MED27: variants seen among roughly 807,000 people sequenced by gnomAD.
MED27 encodes the protein mediator of RNA polymerase II transcription subunit 27.
In MED27, 30 loss-of-function variants were observed where a neutral mutation model predicts 38.2. That is an observed-to-expected ratio of 0.79 (90% CI 0.59 to 1.07). MED27 has a LOEUF of 1.07. MED27 is among the 50% of genes least tolerant of loss of function. MED27 has a pLI of 0.00. For missense variants in MED27, 289 were observed against 397.5 expected, an observed-to-expected ratio of 0.73 and a Z score of 2.32; for synonymous variants, 122 against 153.5, an observed-to-expected ratio of 0.79 and a Z score of 1.52.
intron 6 of MED27, among the ~76,000 whole-genome samples, chr9:131,880,616 A>AT (rs1839019764): frequency 1.3e-5 from 2 of 152,350 alleles, no homozygotes; most frequent in South Asian, 4.1e-4. Context: ...GAATTCATCA[A>AT]TTTTTACTAC....
intron 2 of MED27, among the ~76,000 whole-genome samples, chr9:132,074,321 A>C (rs1004963627): frequency 6.6e-6 from 1 of 152,218 alleles, no homozygotes. Flanking sequence ...GACTTTACAA[A>C]AATTACAAAA....
rs1340380103 is a variant in MED27 at position 131,997,518 on chromosome 9, A to G, written c.479+16819T>C. On this transcript the variant is annotated intron_variant, in intron 3 of 7. Transcript: ENST00000292035. The surrounding 1 kb of genome is among the most constrained non-coding windows in gnomAD (Gnocchi z 4.0). ...CTGCAGAGATCCCCTGGGTTGACCGAGGCGTTGCCAGCCCTGCACTGTAGG... is the reference window on the plus strand; with the variant it reads ...CTGCAGAGATCCCCTGGGTTGACCGGGGCGTTGCCAGCCCTGCACTGTAGG... 6.6e-6 allele frequency among the ~76,000 whole-genome samples: 1 copy of G among 152,214 alleles called. No homozygotes were observed. Among genetic ancestry groups the G allele is most frequent in the African/African-American group, 2.4e-5 (1 of 41,454 alleles).
At position 131,861,793 on chromosome 9, in the gene MED27, G is replaced by A. The variant is rs931644914; in HGVS notation, c.802-1121C>T. Among the ~76,000 whole-genome samples, 2 of 144,178 alleles carry A rather than the reference G, an allele frequency of 1.4e-5. No individual in the cohort carries two copies. Among genetic ancestry groups the A allele is most frequent in the Non-Finnish European group, 3.0e-5 (2 of 67,030 alleles). 94.6% of individuals were successfully genotyped at this position (144,178 alleles called of 152,430 possible). ...TTTTTTTTTTTTTTTTTTTTTATGA[G>A]ACCACATCTCGCTCTGACACCCAGG... On this transcript the variant is annotated intron_variant, in intron 7 of 7. Transcript: ENST00000292035. The surrounding 1 kb of genome is among the most constrained non-coding windows in gnomAD (Gnocchi z 4.4).
intron 4 of MED27, among the ~76,000 whole-genome samples, chr9:131,922,619 T>G (rs571523907): frequency 6.0e-4 from 85 of 142,544 alleles, no homozygotes; most frequent in African/African-American, 2.2e-3. Flanking sequence ...TTTTGTATTT[T>G]TATTTTTATT....
chr9:131,936,088 AC>A (rs757294966), intron 4 of MED27, among the ~76,000 whole-genome samples: 8 of 150,718 alleles, frequency 5.3e-5, no homozygotes, highest in Non-Finnish European at 1.0e-4. Flanking sequence ...AGCTGTGATC[AC>A]GCCACTGCAC....
chr9:131,953,538 G>A (rs577855479), intron 3 of MED27, among the ~76,000 whole-genome samples: 1 of 152,070 alleles, frequency 6.6e-6, no homozygotes, highest in Non-Finnish European at 1.5e-5. Flanking sequence ...CTCAGTCATG[G>A]TACCACAGAG....
At chr9:132,009,060 G>C (rs1463762375) in intron 3 of MED27, among the ~76,000 whole-genome samples, 2 of 152,162 alleles carry the variant, frequency 1.3e-5, no homozygotes, top group Admixed American at 6.5e-5. Flanking sequence ...CTGGAAGAAG[G>C]TCATGTCAGT....
intron 3 of MED27, among the ~76,000 whole-genome samples, chr9:131,943,469 C>G (rs886431681): frequency 2.6e-5 from 4 of 152,154 alleles, no homozygotes; most frequent in Non-Finnish European, 5.9e-5. Context: ...CTGCAGCGGG[C>G]TCTGCAGTGC....
intron 4 of MED27, among the ~76,000 whole-genome samples, chr9:131,910,068 T>C (rs1191318199): frequency 6.6e-6 from 1 of 152,174 alleles, no homozygotes; most frequent in Non-Finnish European, 1.5e-5. Flanking sequence ...TACAAAACTG[T>C]TTGCAATGAT....
At chr9:131,966,369 G>A (rs1284407835) in intron 3 of MED27, among the ~76,000 whole-genome samples, 14 of 21,968 alleles carry the variant, frequency 6.4e-4, no homozygotes, top group Non-Finnish European at 8.4e-4. Context: ...AGGCAAAAGA[G>A]CCAGACCCTG....
chr9:132,069,929 G>A (rs757949373), intron 2 of MED27, among the ~76,000 whole-genome samples: 110 of 152,282 alleles, frequency 7.2e-4, no homozygotes, highest in Non-Finnish European at 1.1e-3. Context: ...CAGCTTCACC[G>A]TTCATATTAA....
chr9:131,907,853 A>G lies in MED27; in HGVS notation c.574-13861T>C, dbSNP rs1830100302. Among the ~76,000 whole-genome samples the G allele has an allele frequency of 3.7e-5, 5 of 136,386 alleles. No individual in the cohort carries two copies. In the South Asian group the frequency reaches 9.8e-4, roughly 27 times the overall value. The allele number at this position is 136,386 out of a possible 152,430, so 89.5% of individuals were successfully genotyped here. ...GCCGCCCATCGTCTGAGATGTGGGG[A>G]GCGCCTCTGCCCCGCCGCCCCGTCT... On this transcript the variant is annotated intron_variant, in intron 4 of 7. Transcript: ENST00000292035.
At chr9:131,910,804 C>T (rs1156538863) in intron 4 of MED27, among the ~76,000 whole-genome samples, 1 of 152,232 alleles carries the variant, frequency 6.6e-6, no homozygotes, top group Non-Finnish European at 1.5e-5. Context: ...TGCTGCCTTG[C>T]ATAATGTCTG....
chr9:131,882,242 G>A (rs997975513), intron 6 of MED27, among the ~76,000 whole-genome samples: 2 of 152,120 alleles, frequency 1.3e-5, no homozygotes, highest in African/African-American at 4.8e-5. Context: ...GGGCCCAGGG[G>A]GCACTGTGGA....
At chr9:131,947,085 A>C (rs1053555472) in intron 3 of MED27, among the ~76,000 whole-genome samples, 1 of 152,198 alleles carries the variant, frequency 6.6e-6, no homozygotes, top group East Asian at 1.9e-4. Context: ...GGCACCCGCT[A>C]AGCATGCCTT....
At position 131,860,631 on chromosome 9, in the gene MED27, G is replaced by C; in HGVS notation, c.843C>G (p.Cys281Trp). Residue 281 changes from cysteine to tryptophan, a missense_variant, in exon 8 of 8, where the codon TGC becomes TGG. By Grantham distance (215) the Cys-to-Trp change is radical (BLOSUM62 -2). Transcript: ENST00000292035. The surrounding 1 kb of genome is among the most constrained non-coding windows in gnomAD (Gnocchi z 5.8). ...RSYIKLFQAPCQRCGKFLQDG... is the reference protein window; with the variant it reads ...RSYIKLFQAPWQRCGKFLQDG... ...CCTGCAGAAACTTCCCGCAGCGCTG[G>C]CACGGGGCCTGGAACAGCTTTATGT... 6.2e-7 allele frequency: 1 copy of C among 1,612,720 alleles called. No individual in the cohort carries two copies. The highest frequency in any genetic ancestry group is 8.5e-7 in the Non-Finnish European group (1 of 1,179,492).
At chr9:132,028,370 C>T (rs1832873252) in intron 2 of MED27, among the ~76,000 whole-genome samples, 1 of 152,184 alleles carries the variant, frequency 6.6e-6, no homozygotes, top group African/African-American at 2.4e-5. Context: ...TTCTCCCACT[C>T]ACCTTCTCCC....
chr9:132,024,404 A>G (rs556386652), intron 2 of MED27, among the ~76,000 whole-genome samples: 1 of 152,350 alleles, frequency 6.6e-6, no homozygotes, highest in East Asian at 1.9e-4. Flanking sequence ...CACACTGCAA[A>G]CAGGCAAAAA....
At position 132,079,755 on chromosome 9, in the gene MED27, C is replaced by A; in HGVS notation, c.90G>T (p.Arg30Ser). ...TCCCATCCTTCAGGCAGTCGAACAC[C>A]CTGCTCACGCTGGAGCGCAGCGCCT... ...AIQALRSSVS[R>S]VFDCLKDGMR... The change falls in exon 1 of 8, where the codon AGG becomes AGT. Residue 30 changes from arginine to serine, a missense_variant. Physicochemically the swap from Arg to Ser is moderately radical, Grantham distance 110. Transcript: ENST00000292035. The A allele has an allele frequency of 6.2e-7, 1 of 1,614,136 alleles. No individual in the cohort carries two copies. The highest frequency in any genetic ancestry group is 8.5e-7 in the Non-Finnish European group (1 of 1,180,000).
Sources: gnomAD v4.1 joint callset for allele counts (sites outside exome capture counted in the v4.1 genomes callset) on GRCh38, gnomAD v4.1.1 for gene constraint, Gnocchi (gnomAD v3.1) non-coding constraint, MANE v1.5 for transcripts, NCBI Gene and HGNC (gene_info 2026-07-23, HGNC 2026-07-21) for gene names.